The following CERS6 variants were observed in gnomAD, a reference collection of about 807,000 sequenced individuals.
CERS6 encodes the protein ceramide synthase 6.
In CERS6, 26 loss-of-function variants were observed where a neutral mutation model predicts 56.8. The observed-to-expected ratio is 0.46, with a 90% CI of 0.34 to 0.63. The LOEUF is 0.63. Among genes scored for constraint, CERS6 ranks in the 30% least tolerant of loss-of-function variants. CERS6 has a pLI of 0.01. For synonymous variants in CERS6, 164 were observed against 173.3 expected, an observed-to-expected ratio of 0.95 and a Z score of 0.42; for missense variants, 415 against 467.5, an observed-to-expected ratio of 0.89 and a Z score of 1.04.
At chr2:168,720,815 C>T (rs1687345907) in intron 8 of CERS6, among the ~76,000 whole-genome samples, 1 of 152,104 alleles carries the variant, frequency 6.6e-6, no homozygotes, top group South Asian at 2.1e-4. Context: ...AGAACAGTAA[C>T]TCAATAGAAG....
intron 1 of CERS6, among the ~76,000 whole-genome samples, chr2:168,526,203 A>G (rs1695068323): frequency 6.6e-6 from 1 of 152,182 alleles, no homozygotes; most frequent in Middle Eastern, 3.2e-3. Flanking sequence ...TGAATATTTC[A>G]TTCTGTTTTC....
At chr2:168,756,227 G>C (rs1684413861) in intron 8 of CERS6, among the ~76,000 whole-genome samples, 1 of 152,188 alleles carries the variant, frequency 6.6e-6, no homozygotes, top group Non-Finnish European at 1.5e-5. Flanking sequence ...TGGAATCTCA[G>C]TCTTTCTTAG....
chr2:168,630,836 A>G (rs907822033), intron 3 of CERS6, 149 bp from the exon 4 acceptor site: 1 of 429,590 alleles, frequency 2.3e-6, no homozygotes, highest in Non-Finnish European at 4.2e-6. Context: ...GGCTTCAGCT[A>G]GCACTGAAAT....
intron 8 of CERS6, among the ~76,000 whole-genome samples, chr2:168,752,829 T>C (rs1684314101): frequency 6.6e-6 from 1 of 152,200 alleles, no homozygotes. Flanking sequence ...ATCTTGTATG[T>C]TTTTTTCTTG....
At chr2:168,461,028 A>AG (rs1453805928) in intron 1 of CERS6, among the ~76,000 whole-genome samples, 1 of 151,976 alleles carries the variant, frequency 6.6e-6, no homozygotes, top group Non-Finnish European at 1.5e-5. Context: ...GCTGGTACTT[A>AG]GGGGGAAAGG....
At chr2:168,705,632 A>G (rs983614490) in intron 6 of CERS6, among the ~76,000 whole-genome samples, 7 of 152,174 alleles carry the variant, frequency 4.6e-5, no homozygotes, top group Non-Finnish European at 8.8e-5. Context: ...TCTTCTATCT[A>G]AAGCACAAAA....
At position 168,570,518 on chromosome 2, in the gene CERS6, TCCTCTGTGGTGCTGGCTTTAGTAAAGCCA is replaced by T. The variant is rs1695966504; in HGVS notation, c.407+9203_407+9231del. Among the ~76,000 whole-genome samples, 4 of 152,256 alleles carry T rather than the reference TCCTCTGTGGTGCTGGCTTTAGTAAAGCCA, an allele frequency of 2.6e-5. No homozygotes were observed. In the South Asian group the frequency reaches 8.3e-4, roughly 32 times the overall value. On this transcript the variant is annotated intron_variant, in intron 3 of 9. Transcript: ENST00000305747. ...GGAGGGACAGAGGAACAAAGCCTGGTCCTCTGTGGTGCTGGCTTTAGTAAAGCCACCTCTGCTGGGGCCTGAACAGTCTG... is the reference window on the plus strand; with the variant it reads ...GGAGGGACAGAGGAACAAAGCCTGGTCCTCTGCTGGGGCCTGAACAGTCTG...
chr2:168,618,180 A>G (rs1684365066), intron 3 of CERS6, among the ~76,000 whole-genome samples: 1 of 152,238 alleles, frequency 6.6e-6, no homozygotes, highest in Admixed American at 6.5e-5. Flanking sequence ...AAAATCCAGC[A>G]TGGCTTTATG....
In CERS6 at chr2:168,657,807, C is replaced by T. The variant is rs184475810; in HGVS notation, c.465+26765C>T. Among the ~76,000 whole-genome samples, 88 of 152,342 alleles carry T rather than the reference C, an allele frequency of 5.8e-4. No homozygotes were observed. The East Asian group carries it at 0.011, about 20-fold the overall frequency. On this transcript the variant is annotated intron_variant, in intron 4 of 9. Coordinates refer to ENST00000305747, the MANE Select transcript of CERS6 (RefSeq NM_203463.3). ...AAGCGCCGCACGCAGCCCCGGTTCC[C>T]GCTCGTGCCTCTCCCTCCACACCTC...
At chr2:168,468,816 ATTC>A (rs1201104608) in intron 1 of CERS6, among the ~76,000 whole-genome samples, 3 of 151,908 alleles carry the variant, frequency 2.0e-5, no homozygotes, top group South Asian at 2.1e-4. Context: ...GAAGATGTTG[ATTC>A]TTCTTCTTGT....
Position 168,671,636 on chromosome 2 carries a change from G to T in CERS6, c.466-19398G>T, listed in dbSNP as rs1014622588. Among the ~76,000 whole-genome samples, 4 of 152,120 alleles carry T rather than the reference G, an allele frequency of 2.6e-5. No homozygotes were observed. The East Asian group carries it at 7.7e-4, about 29-fold the overall frequency. ...TATCTTTGGTTAAAATTTGTTTGCTGGCACAGTAGCTACATATAATACAAT... is the reference window on the plus strand; with the variant it reads ...TATCTTTGGTTAAAATTTGTTTGCTTGCACAGTAGCTACATATAATACAAT... On this transcript the variant is annotated intron_variant, in intron 4 of 9. Transcript: ENST00000305747.
At chr2:168,615,228 C>G (rs1684286934) in intron 3 of CERS6, among the ~76,000 whole-genome samples, 1 of 152,062 alleles carries the variant, frequency 6.6e-6, no homozygotes, top group Non-Finnish European at 1.5e-5. Context: ...AGCCTTGAAC[C>G]CCACATCTTC....
At chr2:168,483,595 C>G (rs1044324142) in intron 1 of CERS6, among the ~76,000 whole-genome samples, 1 of 152,088 alleles carries the variant, frequency 6.6e-6, no homozygotes, top group African/African-American at 2.4e-5. Context: ...AAGCAGGGAT[C>G]AAGAGATGAA....
intron 3 of CERS6, among the ~76,000 whole-genome samples, chr2:168,583,249 T>C (rs879657984): frequency 7.9e-5 from 12 of 152,054 alleles, no homozygotes; most frequent in Admixed American, 3.3e-4. Context: ...TCGAGACAGG[T>C]ACAAATAAGT....
intron 3 of CERS6, among the ~76,000 whole-genome samples, chr2:168,628,178 A>C (rs573372584): frequency 1.4e-4 from 22 of 152,308 alleles, no homozygotes; most frequent in Non-Finnish European, 2.1e-4. Context: ...AATCTTTAAC[A>C]TGCCGTTTTC....
chr2:168,552,018 A>G (rs951560499), intron 2 of CERS6, among the ~76,000 whole-genome samples: 1 of 151,778 alleles, frequency 6.6e-6, no homozygotes, highest in Non-Finnish European at 1.5e-5. Flanking sequence ...TATGTCAGGT[A>G]TAAAGCCAGG....
chr2:168,745,971 A>G (rs944079424), intron 8 of CERS6, among the ~76,000 whole-genome samples: 1 of 152,172 alleles, frequency 6.6e-6, no homozygotes, highest in Admixed American at 6.5e-5. Flanking sequence ...AATGAACTGG[A>G]TATGGTGCAT....
intron 4 of CERS6, among the ~76,000 whole-genome samples, chr2:168,683,933 G>T (rs1384886213): frequency 6.6e-6 from 1 of 152,158 alleles, no homozygotes; most frequent in Non-Finnish European, 1.5e-5. Flanking sequence ...GGCTTAAGAA[G>T]CCATGGAAAT....
intron 3 of CERS6, among the ~76,000 whole-genome samples, chr2:168,614,015 G>A (rs943807224): frequency 1.3e-5 from 2 of 152,184 alleles, no homozygotes; most frequent in Non-Finnish European, 2.9e-5. Flanking sequence ...TTGTGAAATG[G>A]CTTATTTTCT....
Sources: gnomAD v4.1 joint callset for allele counts (sites outside exome capture counted in the v4.1 genomes callset) on GRCh38, gnomAD v4.1.1 for gene constraint, MANE v1.5 for transcripts, NCBI Gene and HGNC (gene_info 2026-07-23, HGNC 2026-07-21) for gene names.